The following PIGY variants were observed in gnomAD, a reference collection of about 807,000 sequenced individuals.
PIGY encodes the protein phosphatidylinositol N-acetylglucosaminyltransferase subunit Y.
Under a neutral mutation model 4.1 loss-of-function variants are expected in PIGY, and 3 were observed. The ratio of observed to expected loss-of-function variants is 0.73; its 90% confidence interval spans 0.33 to 1.89. The LOEUF (loss-of-function observed/expected upper bound fraction) is 1.89. Ranked by LOEUF, PIGY falls within the 40% of genes most tolerant of loss-of-function variation. The pLI is 0.08. For missense variants in PIGY, 78 were observed against 80.3 expected (o/e 0.97, Z 0.11); for synonymous variants, 33 against 31.4 (o/e 1.05, Z -0.18).
At chr4:88,522,078 C>T in intron 1 of PIGY, 49 bp from the exon 2 acceptor site, 2 of 1,481,064 alleles carry the variant, frequency 1.4e-6, no homozygotes, top group Non-Finnish European at 1.8e-6. Flanking sequence ...AAATAAAATG[C>T]TTGAAGAGCC....
At chr4:88,522,544 G>A (rs1742408275) in intron 1 of PIGY, among the ~76,000 whole-genome samples, 1 of 152,162 alleles carries the variant, frequency 6.6e-6, no homozygotes, top group Non-Finnish European at 1.5e-5. Flanking sequence ...AGTTATAAAC[G>A]TAAATCAAAT....
Position 88,521,562 on chromosome 4 carries a change from A to C in PIGY, c.*12T>G, listed in dbSNP as rs1443695064. On this transcript the variant is annotated 3_prime_UTR_variant, in exon 2 of 2. Coordinates refer to ENST00000527353, the MANE Select transcript of PIGY (RefSeq NM_001042616.3). ...TATCATTAATATATACAGCATATTG[A>C]CTCTAGTTGCATCAATTATGCCTGA... 1 of 1,576,390 alleles carries C rather than the reference A, an allele frequency of 6.3e-7. No homozygotes were observed. Among genetic ancestry groups the C allele is most frequent in the Non-Finnish European group, 8.7e-7 (1 of 1,146,150 alleles).
Position 88,521,577 on chromosome 4 carries a change from A to G in PIGY, c.213T>C (p.Asn71=), listed in dbSNP as rs1354758242. Residue 71 remains asparagine (N), a synonymous_variant, in exon 2 of 2, where the codon AAT becomes AAC. Coordinates refer to ENST00000527353, the MANE Select transcript of PIGY (RefSeq NM_001042616.3). ...CAGCATATTGACTCTAGTTGCATCAATTATGCCTGAAGAGTTTAATACCCA... is the reference window on the plus strand; with the variant it reads ...CAGCATATTGACTCTAGTTGCATCAGTTATGCCTGAAGAGTTTAATACCCA... ...TWMGIKLFRH[N] is the part of the protein sequence containing the mutation. The G allele has an allele frequency of 6.2e-7, 1 of 1,601,698 alleles. No individual in the cohort carries two copies. The highest frequency in any genetic ancestry group is 1.3e-5 in the African/African-American group (1 of 74,784).
Position 88,521,864 on chromosome 4 carries a change from T to C in PIGY, c.-75A>G, listed in dbSNP as rs1742379396. The C allele has an allele frequency of 6.5e-7, 1 of 1,542,350 alleles. No homozygotes were observed. On this transcript the variant is annotated 5_prime_UTR_variant, in exon 2 of 2. Coordinates refer to ENST00000527353, the MANE Select transcript of PIGY (RefSeq NM_001042616.3). ...ATTAAGAAAAGTTGGCTGTTGCGTT[T>C]TTTTAATTTTTTTAAATTATGAACT...
chr4:88,521,594 T>TA lies in PIGY; in HGVS notation c.195dup (p.Lys66Ter). On this transcript the variant is annotated frameshift_variant, in exon 2 of 2. Transcript: ENST00000527353. LOFTEE classifies it high-confidence loss of function. ...TTGCATCAATTATGCCTGAAGAGTTTAATACCCATCCAAGTCCAAAGGTGG... is the reference window on the plus strand; with the variant it reads ...TTGCATCAATTATGCCTGAAGAGTTTAAATACCCATCCAAGTCCAAAGGTGG... The TA allele has an allele frequency of 6.2e-7, 1 of 1,611,846 alleles. No homozygotes were observed. The highest frequency in any genetic ancestry group is 8.5e-7 in the Non-Finnish European group (1 of 1,177,914).
intron 1 of PIGY, among the ~76,000 whole-genome samples, 173 bp downstream of exon 1, chr4:88,523,325 C>G (rs1179035807): frequency 6.6e-6 from 1 of 152,206 alleles, no homozygotes; most frequent in Non-Finnish European, 1.5e-5. Flanking sequence ...CCCTGGCCTC[C>G]GGTCTCCCCC....
Position 88,521,786 on chromosome 4 carries a change from A to G in PIGY, c.4T>C (p.Phe2Leu). 6.2e-7 allele frequency: 1 copy of G among 1,610,084 alleles called. No homozygotes were observed. The highest frequency in any genetic ancestry group is 8.5e-7 in the Non-Finnish European group (1 of 1,177,554). ...ACAGTCAACGTAGGAAGAGACAGAAACATTCTTCTCTTCCACTTATTACCT... is the reference window on the plus strand; with the variant it reads ...ACAGTCAACGTAGGAAGAGACAGAAGCATTCTTCTCTTCCACTTATTACCT... M[F>L]LSLPTLTVLI... The change falls in exon 2 of 2, where the codon TTT becomes CTT. Residue 2 changes from phenylalanine to leucine, a missense_variant. By Grantham distance (22) the Phe-to-Leu change is conservative. Transcript: ENST00000527353.
chr4:88,521,900 C>T lies in PIGY; in HGVS notation c.-111G>A. The T allele has an allele frequency of 6.5e-7, 1 of 1,550,360 alleles. No individual in the cohort carries two copies. The highest frequency in any genetic ancestry group is 1.2e-5 in the South Asian group (1 of 83,582). On this transcript the variant is annotated 5_prime_UTR_variant, in exon 2 of 2. Coordinates refer to ENST00000527353, the MANE Select transcript of PIGY (RefSeq NM_001042616.3). ...TTTAAATTATGAACTAGCGCTGCTC[C>T]ACTTCTTCTTGCTTCTTACTTTGAC...
In PIGY at chr4:88,521,277, G is replaced by C. The variant is rs1425574886; in HGVS notation, c.*297C>G. The C allele has an allele frequency of 2.1e-5, 7 of 326,386 alleles. No individual in the cohort carries two copies. The highest frequency in any genetic ancestry group is 4.0e-5 in the Non-Finnish European group (7 of 176,338). 20.2% of individuals were successfully genotyped at this position (326,386 alleles called of 1,614,324 possible). A position where few individuals can be genotyped will look rare whatever the true frequency, so the allele number is the denominator to read the frequency against. ...CAAAACAAAATTTCAATGACTCTTAGATGAATGGAATAAGAAATAGTCATC... is the reference window on the plus strand; with the variant it reads ...CAAAACAAAATTTCAATGACTCTTACATGAATGGAATAAGAAATAGTCATC... On this transcript the variant is annotated 3_prime_UTR_variant, in exon 2 of 2. Coordinates refer to ENST00000527353, the MANE Select transcript of PIGY (RefSeq NM_001042616.3).
In PIGY at chr4:88,521,636, G is replaced by C. The variant is rs1218066720; in HGVS notation, c.154C>G (p.Pro52Ala). Residue 52 changes from proline (P) to alanine (A), a missense_variant, in exon 2 of 2, where the codon CCA becomes GCA. By Grantham distance (27) the Pro-to-Ala change is conservative. Coordinates refer to ENST00000527353, the MANE Select transcript of PIGY (RefSeq NM_001042616.3). ...FYSLLLPITI[P>A]VYVFFHLWTW... ...CAAAGGTGGAAGAATACATACACTG[G>C]TATGGTAATAGGCAAGAGCAGGCTG... 6.2e-7 allele frequency: 1 copy of C among 1,613,978 alleles called. No homozygotes were observed. Among genetic ancestry groups the C allele is most frequent in the South Asian group, 1.1e-5 (1 of 91,078 alleles).
chr4:88,523,484 G>A lies in PIGY; in HGVS notation c.-241+14C>T, dbSNP rs1742456622. The A allele has an allele frequency of 6.4e-7, 1 of 1,550,980 alleles. No homozygotes were observed. Among genetic ancestry groups the A allele is most frequent in the Admixed American group, 2.0e-5 (1 of 50,992 alleles). Reference sequence around the variant, plus strand: ...CGGGAGGCTGCAAAGGAAGGGCCAAGGCCAGCGAGTTACCTGAGCGGCTTC... The same window carrying A: ...CGGGAGGCTGCAAAGGAAGGGCCAAAGCCAGCGAGTTACCTGAGCGGCTTC... On this transcript the variant is annotated intron_variant, in intron 1 of 1. Transcript: ENST00000527353.
chr4:88,523,400 G>T (rs1742451400), intron 1 of PIGY, 98 bp downstream of exon 1: 2 of 1,264,462 alleles, frequency 1.6e-6, no homozygotes, highest in Admixed American at 2.0e-5. Context: ...GTACCTGACC[G>T]ACCTACAAGG....
rs1020212128 is a variant in PIGY at position 88,521,967 on chromosome 4, T to C, written c.-178A>G. On this transcript the variant is annotated 5_prime_UTR_variant, in exon 2 of 2. It removes an upstream start codon present in the reference 5' UTR. Transcript: ENST00000527353. ...CTGTGGTATCATATTAGGGATCCCA[T>C]CAATGATTGGATAAGCTATTCCCAA... 1.2e-4 allele frequency: 190 copies of C among 1,551,232 alleles called. No homozygotes were observed. Among genetic ancestry groups the C allele is most frequent in the Non-Finnish European group, 1.6e-4 (183 of 1,146,738 alleles).
At chr4:88,522,172 A>T in intron 1 of PIGY, 143 bp from the exon 2 acceptor site, 1 of 678,142 alleles carries the variant, frequency 1.5e-6, no homozygotes. Flanking sequence ...TAAAAGCAAC[A>T]ATAGCCAATT....
chr4:88,521,633 C>T lies in PIGY; in HGVS notation c.157G>A (p.Val53Met), dbSNP rs1411468806. 1 of 1,613,848 alleles carries T rather than the reference C, an allele frequency of 6.2e-7. No homozygotes were observed. The highest frequency in any genetic ancestry group is 8.5e-7 in the Non-Finnish European group (1 of 1,179,858). The change falls in exon 2 of 2, where the codon GTG (valine) becomes ATG (methionine). Residue 53 changes from valine to methionine, a missense_variant. Val to Met is a conservative substitution (Grantham distance 21). Coordinates refer to ENST00000527353, the MANE Select transcript of PIGY (RefSeq NM_001042616.3). Reference sequence around the variant, plus strand: ...GTCCAAAGGTGGAAGAATACATACACTGGTATGGTAATAGGCAAGAGCAGG... The same window carrying T: ...GTCCAAAGGTGGAAGAATACATACATTGGTATGGTAATAGGCAAGAGCAGG... Reference protein sequence around the residue: ...YSLLLPITIPVYVFFHLWTWM... With the variant: ...YSLLLPITIPMYVFFHLWTWM...
rs1237267798 is a variant in PIGY, at chr4:88,521,836, G to A, written c.-47C>T. ...TGCCACTGTGTTTTAAAAGGTATAT[G>A]GTATTAAGAAAAGTTGGCTGTTGCG... On this transcript the variant is annotated 5_prime_UTR_variant, in exon 2 of 2. Coordinates refer to ENST00000527353, the MANE Select transcript of PIGY (RefSeq NM_001042616.3). 1.3e-6 allele frequency: 2 copies of A among 1,578,008 alleles called. No homozygotes were observed. The highest frequency in any genetic ancestry group is 1.4e-5 in the African/African-American group (1 of 73,606).
At position 88,521,700 on chromosome 4, in the gene PIGY, G is replaced by T. The variant is rs1242700730; in HGVS notation, c.90C>A (p.Phe30Leu). 2 of 1,613,818 alleles carry T rather than the reference G, an allele frequency of 1.2e-6. No individual in the cohort carries two copies. Among genetic ancestry groups the T allele is most frequent in the Non-Finnish European group, 1.7e-6 (2 of 1,179,854 alleles). Reference sequence around the variant, plus strand: ...TGGCTGTGCTAGTGCAGCCCTGTGGGAAGTTTTCTTCCACAGAGGCTGAGT... The same window carrying T: ...TGGCTGTGCTAGTGCAGCCCTGTGGTAAGTTTTCTTCCACAGAGGCTGAGT... ...LFYSASVEEN[F>L]PQGCTSTASL... The change falls in exon 2 of 2, where the codon TTC becomes TTA. Residue 30 changes from phenylalanine to leucine, a missense_variant. Phe to Leu is a conservative substitution (Grantham distance 22, BLOSUM62 0). Transcript: ENST00000527353.
chr4:88,521,858 T>C lies in PIGY; in HGVS notation c.-69A>G, dbSNP rs1172245809. ...TATGGTATTAAGAAAAGTTGGCTGT[T>C]GCGTTTTTTTAATTTTTTTAAATTA... On this transcript the variant is annotated 5_prime_UTR_variant, in exon 2 of 2. Coordinates refer to ENST00000527353, the MANE Select transcript of PIGY (RefSeq NM_001042616.3). The C allele has an allele frequency of 1.3e-6, 2 of 1,549,030 alleles. No individual in the cohort carries two copies.
At position 88,522,099 on chromosome 4, in the gene PIGY, C is replaced by G. The variant is rs569882927; in HGVS notation, c.-240-70G>C. 3 of 1,371,708 alleles carry G rather than the reference C, an allele frequency of 2.2e-6. No individual in the cohort carries two copies. In the African/African-American group the frequency reaches 4.4e-5, roughly 20 times the overall value. 85.0% of individuals were successfully genotyped at this position (1,371,708 alleles called of 1,614,324 possible). A position where few individuals can be genotyped will look rare whatever the true frequency, so the allele number is the denominator to read the frequency against. ...AATGCTTGAAGAGCCTGATTTTCAACAAATACCACCATTTATCCAATTTTT... is the reference window on the plus strand; with the variant it reads ...AATGCTTGAAGAGCCTGATTTTCAAGAAATACCACCATTTATCCAATTTTT... On this transcript the variant is annotated intron_variant, in intron 1 of 1. Coordinates refer to ENST00000527353, the MANE Select transcript of PIGY (RefSeq NM_001042616.3).
Sources: gnomAD v4.1 joint callset for allele counts (sites outside exome capture counted in the v4.1 genomes callset) on GRCh38, gnomAD v4.1.1 for gene constraint, MANE v1.5 for transcripts, NCBI Gene and HGNC (gene_info 2026-07-23, HGNC 2026-07-21) for gene names.